The following CPPED1 variants were observed in gnomAD, a reference collection of about 807,000 sequenced individuals.
CPPED1 encodes calcineurin like phosphoesterase domain containing 1.
CPPED1 carries 28 observed loss-of-function variants against 28.0 expected under a neutral mutation model. That is an observed-to-expected ratio of 1.00 (90% CI 0.74 to 1.37). The LOEUF (loss-of-function observed/expected upper bound fraction) is 1.37. CPPED1 is among the 40% of genes most tolerant of loss of function. The pLI is 0.00. For missense variants in CPPED1, 504 were observed against 416.5 expected (o/e 1.21, Z -1.83); for synonymous variants, 198 against 180.2 (o/e 1.10, Z -0.79).
chr16:12,758,263 GC>G (rs1241630487), intron 2 of CPPED1, among the ~76,000 whole-genome samples: 1 of 151,982 alleles, frequency 6.6e-6, no homozygotes, highest in East Asian at 1.9e-4. Context: ...AGATATCATC[GC>G]CCCTGCTGTA....
At chr16:12,712,140 G>A (rs1446360507) in intron 2 of CPPED1, among the ~76,000 whole-genome samples, 3 of 152,204 alleles carry the variant, frequency 2.0e-5, no homozygotes, top group African/African-American at 7.2e-5. Context: ...CACCTGTCCT[G>A]CAGACAGATG....
intron 2 of CPPED1, among the ~76,000 whole-genome samples, chr16:12,773,009 G>C (rs960607781): frequency 1.3e-5 from 2 of 152,136 alleles, no homozygotes; most frequent in African/African-American, 4.8e-5. Context: ...TTGTCACTTG[G>C]AAGGCAGTTT....
chr16:12,792,695 G>A (rs1270629259), intron 1 of CPPED1, among the ~76,000 whole-genome samples: 2 of 152,132 alleles, frequency 1.3e-5, no homozygotes, highest in Admixed American at 6.6e-5. Flanking sequence ...TTCCCATGCT[G>A]TTCGCATGAT....
intron 2 of CPPED1, among the ~76,000 whole-genome samples, chr16:12,728,309 AATT>A (rs1303532971): frequency 1.3e-5 from 2 of 152,200 alleles, no homozygotes; most frequent in Admixed American, 6.5e-5. Flanking sequence ...GTAGAGGTAT[AATT>A]ATGTGATTAT....
At chr16:12,789,457 A>G (rs2080583460) in intron 1 of CPPED1, among the ~76,000 whole-genome samples, 3 of 152,204 alleles carry the variant, frequency 2.0e-5, no homozygotes, top group African/African-American at 7.2e-5. Context: ...TATAGAGAAG[A>G]CATATCCAAG....
At chr16:12,751,919 C>CA (rs546177682) in intron 2 of CPPED1, among the ~76,000 whole-genome samples, 184 of 152,212 alleles carry the variant, frequency 1.2e-3, no homozygotes, top group Non-Finnish European at 1.7e-3. Context: ...TTTCAGGACT[C>CA]AGTGATAAAA....
intron 2 of CPPED1, among the ~76,000 whole-genome samples, chr16:12,755,514 C>G (rs979577108): frequency 2.6e-5 from 4 of 151,930 alleles, no homozygotes; most frequent in African/African-American, 9.7e-5. Flanking sequence ...AACTCCTGGC[C>G]TCAAGCAATC....
intron 2 of CPPED1, chr16:12,759,509 G>A (rs2080395532): frequency 2.6e-5 from 4 of 152,256 alleles, no homozygotes; most frequent in African/African-American, 9.6e-5. Flanking sequence ...TCATCATGCA[G>A]GTGGTTTATA....
At chr16:12,711,943 G>A (rs1596456105) in intron 2 of CPPED1, among the ~76,000 whole-genome samples, 1 of 152,130 alleles carries the variant, frequency 6.6e-6, no homozygotes, top group Non-Finnish European at 1.5e-5. Context: ...CAGGGGAGGA[G>A]GGAGGCAGGT....
At chr16:12,691,511 C>T (rs2079962616) in intron 3 of CPPED1, among the ~76,000 whole-genome samples, 1 of 152,092 alleles carries the variant, frequency 6.6e-6, no homozygotes, top group Non-Finnish European at 1.5e-5. Context: ...GACACATGCA[C>T]ACATATGTTT....
intron 2 of CPPED1, among the ~76,000 whole-genome samples, chr16:12,760,211 T>C (rs2080400480): frequency 1.3e-5 from 2 of 152,182 alleles, no homozygotes; most frequent in South Asian, 4.1e-4. Flanking sequence ...ATTTAGAGTA[T>C]ACAGGAGAGT....
intron 3 of CPPED1, among the ~76,000 whole-genome samples, chr16:12,692,149 C>T (rs932360483): frequency 6.6e-6 from 1 of 152,048 alleles, no homozygotes; most frequent in East Asian, 1.9e-4. Context: ...CCACTGTGCC[C>T]GGCCGTGTCC....
At chr16:12,668,409 A>G (rs1220832396) in intron 3 of CPPED1, among the ~76,000 whole-genome samples, 1 of 152,210 alleles carries the variant, frequency 6.6e-6, no homozygotes, top group African/African-American at 2.4e-5. Flanking sequence ...GGGAGATAAA[A>G]ATACGGAATA....
At chr16:12,726,183 A>G (rs1017668775) in intron 2 of CPPED1, among the ~76,000 whole-genome samples, 9 of 152,012 alleles carry the variant, frequency 5.9e-5, no homozygotes, top group Middle Eastern at 3.2e-3. Flanking sequence ...CTGGGATTAC[A>G]GGTGCACGTC....
At chr16:12,687,903 C>T (rs1596446111) in intron 3 of CPPED1, among the ~76,000 whole-genome samples, 1 of 151,450 alleles carries the variant, frequency 6.6e-6, no homozygotes, top group East Asian at 1.9e-4. Flanking sequence ...ATAACGTAAA[C>T]ATTTTATAAA....
At chr16:12,798,196 A>G (rs1003563703) in intron 1 of CPPED1, among the ~76,000 whole-genome samples, 2 of 152,254 alleles carry the variant, frequency 1.3e-5, no homozygotes, top group South Asian at 2.1e-4. Flanking sequence ...AACTTTTTAC[A>G]TATGTGTGCT....
In CPPED1 at chr16:12,730,002, T is replaced by C. The variant is rs183636609; in HGVS notation, c.290-24953A>G. On this transcript the variant is annotated intron_variant, in intron 2 of 3. Transcript: ENST00000381774. ...TCAGCCTCCCAAGGTTCTGGGACTA[T>C]AGACACATGCCACCATGCCTGGCTG... 8.7e-4 allele frequency among the ~76,000 whole-genome samples: 133 copies of C among 152,246 alleles called. 1 individual carries two copies. Among genetic ancestry groups the C allele is most frequent in the South Asian group, 2.1e-3 (10 of 4,824 alleles).
rs2079810922 is a variant in CPPED1 at position 12,663,976 on chromosome 16, C to A, written c.*910G>T. ...AATTCAGAGGATGTGGCTGAAGGCA[C>A]CGTTTTGGCCTTTTTTGTTTCTTTT... On this transcript the variant is annotated 3_prime_UTR_variant, in exon 4 of 4. Transcript: ENST00000381774. 1 of 152,122 alleles carries A rather than the reference C, an allele frequency of 6.6e-6. No individual in the cohort carries two copies. The highest frequency in any genetic ancestry group is 6.5e-5 in the Admixed American group (1 of 15,276). The allele number at this position is 152,122 out of a possible 1,614,324, so 9.4% of individuals were successfully genotyped here.
intron 3 of CPPED1, among the ~76,000 whole-genome samples, chr16:12,703,822 G>A (rs753348280): frequency 6.6e-5 from 10 of 152,116 alleles, no homozygotes; most frequent in Non-Finnish European, 8.8e-5. Flanking sequence ...TGTTTCTCTT[G>A]AAAGGCCCAT....
Sources: gnomAD v4.1 joint callset for allele counts (sites outside exome capture counted in the v4.1 genomes callset) on GRCh38, gnomAD v4.1.1 for gene constraint, MANE v1.5 for transcripts, NCBI Gene and HGNC (gene_info 2026-07-23, HGNC 2026-07-21) for gene names.